The following GRIN2A variants were observed in gnomAD, a reference collection of about 807,000 sequenced individuals.
The protein encoded by GRIN2A is glutamate ionotropic receptor NMDA type subunit 2A.
GRIN2A carries 22 observed loss-of-function variants against 113.4 expected under a neutral mutation model. That is an observed-to-expected ratio of 0.19 (90% CI 0.14 to 0.28). The LOEUF is 0.28. Among genes scored for constraint, GRIN2A ranks in the 10% least tolerant of loss-of-function variants. The pLI is 1.00. For synonymous variants in GRIN2A, 827 were observed against 738.4 expected (o/e 1.12, Z -1.94); for missense variants, 1,502 against 1,887.0 (o/e 0.80, Z 3.78).
rs183049977 is a variant in GRIN2A at position 9,818,618 on chromosome 16, T to C, written c.2168+3646A>G. ...AAAGACCAACAAACCAATAGAAATA[T>C]TAATAAAAGTAAAAAAGGAATTGCC... is the stretch of plus-strand genomic sequence containing the variant. On this transcript the variant is annotated intron_variant, in intron 10 of 12. Coordinates refer to ENST00000330684, the MANE Select transcript of GRIN2A (RefSeq NM_001134407.3). Among the ~76,000 whole-genome samples, 679 of 152,214 alleles carry C rather than the reference T, an allele frequency of 4.5e-3. 5 individuals carry two copies. Among genetic ancestry groups the C allele is most frequent in the African/African-American group, 0.015 (639 of 41,542 alleles).
chr16:9,842,997 G>C (rs1339846599), intron 5 of GRIN2A, among the ~76,000 whole-genome samples: 1 of 147,508 alleles, frequency 6.8e-6, no homozygotes, highest in Non-Finnish European at 1.5e-5. Flanking sequence ...GAAAGAAAGA[G>C]AGAAACAGAA....
chr16:9,873,156 A>C (rs1797900942), intron 4 of GRIN2A, among the ~76,000 whole-genome samples: 2 of 152,232 alleles, frequency 1.3e-5, no homozygotes, highest in South Asian at 2.1e-4. Context: ...AGAATGTGTA[A>C]TGATAGACAA....
intron 2 of GRIN2A, among the ~76,000 whole-genome samples, chr16:9,944,863 T>C (rs1423018004): frequency 6.6e-6 from 1 of 152,208 alleles, no homozygotes; most frequent in Non-Finnish European, 1.5e-5. Context: ...CATTCATCCG[T>C]GGATTGTCTT....
intron 2 of GRIN2A, among the ~76,000 whole-genome samples, chr16:10,148,332 A>G (rs944230500): frequency 6.6e-6 from 1 of 152,258 alleles, no homozygotes; most frequent in Admixed American, 6.5e-5. Context: ...GGCCATTTGT[A>G]GAAAAGTATG....
chr16:10,038,294 C>T (rs2047071471), intron 2 of GRIN2A, among the ~76,000 whole-genome samples: 1 of 152,094 alleles, frequency 6.6e-6, no homozygotes, highest in African/African-American at 2.4e-5. Context: ...CCCACCTCAG[C>T]CTATCACTTT....
chr16:10,034,033 C>T (rs759233460), intron 2 of GRIN2A, among the ~76,000 whole-genome samples: 8 of 152,128 alleles, frequency 5.3e-5, no homozygotes, highest in Non-Finnish European at 1.0e-4. Flanking sequence ...GCAAGGAACA[C>T]CTGCTGAAAG....
chr16:10,093,230 A>T (rs535996128), intron 2 of GRIN2A, among the ~76,000 whole-genome samples: 1 of 152,318 alleles, frequency 6.6e-6, no homozygotes, highest in African/African-American at 2.4e-5. Context: ...TCATAATAAC[A>T]GATGGGGTAG....
chr16:9,995,878 G>C (rs1400738041), intron 2 of GRIN2A, among the ~76,000 whole-genome samples: 1 of 151,836 alleles, frequency 6.6e-6, no homozygotes. Flanking sequence ...ATGAGTCTAA[G>C]ATAATAACAG....
chr16:9,832,489 G>A (rs1459450818), intron 8 of GRIN2A, among the ~76,000 whole-genome samples: 2 of 151,762 alleles, frequency 1.3e-5, no homozygotes, highest in Non-Finnish European at 2.9e-5. Context: ...ATTATAATCT[G>A]TTATTATTAG....
chr16:10,030,714 G>C (rs1278222345), intron 2 of GRIN2A, among the ~76,000 whole-genome samples: 1 of 152,094 alleles, frequency 6.6e-6, no homozygotes, highest in Non-Finnish European at 1.5e-5. Flanking sequence ...CTTCTTTGCT[G>C]AATCTCTGCT....
At chr16:9,824,348 C>A (rs1272824470) in intron 9 of GRIN2A, among the ~76,000 whole-genome samples, 8 of 152,228 alleles carry the variant, frequency 5.3e-5, no homozygotes, top group African/African-American at 1.7e-4. Flanking sequence ...ATCCTCATGG[C>A]AGCCGCCTGC....
At chr16:9,968,262 TTGTATGTATGTATGTATGTATGTA>T (rs71157795) in intron 2 of GRIN2A, among the ~76,000 whole-genome samples, 2 of 150,128 alleles carry the variant, frequency 1.3e-5, no homozygotes, top group African/African-American at 2.5e-5. Flanking sequence ...CTCTATTGAC[TTGTATGTATGTATGTATGTATGTA>T]TGTATGTATG....
chr16:9,877,781 C>T (rs1446295056), intron 4 of GRIN2A, among the ~76,000 whole-genome samples: 6 of 131,016 alleles, frequency 4.6e-5, no homozygotes, highest in Non-Finnish European at 8.2e-5. Context: ...CTCCCCCTCC[C>T]GCTCTCACTC....
intron 2 of GRIN2A, among the ~76,000 whole-genome samples, chr16:10,145,252 A>C (rs565710454): frequency 1.3e-5 from 2 of 152,348 alleles, no homozygotes; most frequent in Non-Finnish European, 2.9e-5. Flanking sequence ...GATCTGCTGG[A>C]CAACATAGTG....
intron 5 of GRIN2A, among the ~76,000 whole-genome samples, chr16:9,842,460 C>G (rs2042697670): frequency 6.6e-6 from 1 of 152,030 alleles, no homozygotes; most frequent in Non-Finnish European, 1.5e-5. Context: ...TTGGCAAATC[C>G]ACACATTGGA....
At chr16:9,801,955 C>T (rs575896137) in intron 10 of GRIN2A, among the ~76,000 whole-genome samples, 2 of 152,298 alleles carry the variant, frequency 1.3e-5, no homozygotes, top group East Asian at 3.9e-4. Flanking sequence ...CAGACAACTG[C>T]GTGTTTAAAA....
At chr16:9,830,248 G>A (rs769278987) in intron 8 of GRIN2A, among the ~76,000 whole-genome samples, 1 of 152,232 alleles carries the variant, frequency 6.6e-6, no homozygotes, top group African/African-American at 2.4e-5. Context: ...ACACTTCACA[G>A]ATGGAAGACA....
In GRIN2A at chr16:9,765,050, G is replaced by A. The variant is rs1900831496; in HGVS notation, c.2596-102C>T. 2.7e-6 allele frequency: 4 copies of A among 1,485,610 alleles called. No individual in the cohort carries two copies. In the South Asian group the frequency reaches 3.4e-5, roughly 13 times the overall value. 92.0% of individuals were successfully genotyped at this position (1,485,610 alleles called of 1,614,324 possible). A position where few individuals can be genotyped will look rare whatever the true frequency, so the allele number is the denominator to read the frequency against. On this transcript the variant is annotated intron_variant, in intron 12 of 12. Coordinates refer to ENST00000330684, the MANE Select transcript of GRIN2A (RefSeq NM_001134407.3). The stretch of plus-strand genomic sequence containing the variant: ...TGCAAAGGTGAGATTTGCACTTCTT[G>A]CAGGAGCCCTGGAGAAACAGCAAAA...
chr16:9,772,245 C>T (rs1399049712), intron 11 of GRIN2A, among the ~76,000 whole-genome samples: 2 of 152,214 alleles, frequency 1.3e-5, no homozygotes. Context: ...ATCTCAAACT[C>T]ATCCAGATTT....
Sources: gnomAD v4.1 joint callset for allele counts (sites outside exome capture counted in the v4.1 genomes callset) on GRCh38, gnomAD v4.1.1 for gene constraint, MANE v1.5 for transcripts, NCBI Gene and HGNC (gene_info 2026-07-23, HGNC 2026-07-21) for gene names.